BASP1: variants seen among roughly 807,000 people sequenced by gnomAD.
The protein encoded by BASP1 is brain abundant membrane attached signal protein 1, also known as brain acid soluble protein 1.
BASP1 carries 1 observed loss-of-function variant against 2.2 expected under a neutral mutation model. That is an observed-to-expected ratio of 0.46 (90% CI 0.16 to 2.17). BASP1 has a LOEUF of 2.17. BASP1 is among the 30% of genes most tolerant of loss of function. The pLI, the probability that BASP1 is intolerant of heterozygous loss-of-function variation, is 0.27. For synonymous variants in BASP1, 187 were observed against 154.2 expected (o/e 1.21, Z -1.58); for missense variants, 352 against 327.2 (o/e 1.08, Z -0.58).
chr5:17,218,647 C>T (rs1259144284), intron 1 of BASP1, among the ~76,000 whole-genome samples: 2 of 152,240 alleles, frequency 1.3e-5, no homozygotes, highest in Non-Finnish European at 2.9e-5. Context: ...GCGGCCCTAA[C>T]TGGGCTCAGC....
At chr5:17,232,416 G>A (rs1434007702) in intron 1 of BASP1, among the ~76,000 whole-genome samples, 1 of 152,216 alleles carries the variant, frequency 6.6e-6, no homozygotes, top group Non-Finnish European at 1.5e-5. Context: ...TTACACATTA[G>A]TCAATTATAA....
intron 1 of BASP1, among the ~76,000 whole-genome samples, chr5:17,249,336 G>C (rs768997926): frequency 8.5e-5 from 13 of 152,170 alleles, no homozygotes; most frequent in Non-Finnish European, 1.9e-4. Flanking sequence ...GGGGATGCCT[G>C]TAGCAGCAAG....
intron 1 of BASP1, among the ~76,000 whole-genome samples, chr5:17,245,367 C>T (rs887279049): frequency 2.0e-5 from 3 of 149,846 alleles, no homozygotes; most frequent in Non-Finnish European, 4.4e-5. Flanking sequence ...TAGTGGCTGT[C>T]AAATAATTCA....
At chr5:17,266,734 AC>A (rs1304093878) in intron 1 of BASP1, among the ~76,000 whole-genome samples, 3 of 150,066 alleles carry the variant, frequency 2.0e-5, no homozygotes, top group Non-Finnish European at 3.0e-5. Context: ...AATCACTTGA[AC>A]CGAGAGGCGC....
At chr5:17,243,111 A>C (rs1172559828) in intron 1 of BASP1, among the ~76,000 whole-genome samples, 1 of 152,064 alleles carries the variant, frequency 6.6e-6, no homozygotes, top group Non-Finnish European at 1.5e-5. Flanking sequence ...GCTAGGTGAC[A>C]AAAGGGCATC....
intron 1 of BASP1, among the ~76,000 whole-genome samples, chr5:17,267,415 T>C (rs1030503783): frequency 2.0e-5 from 3 of 152,224 alleles, no homozygotes; most frequent in Admixed American, 6.5e-5. Flanking sequence ...TTACACATTA[T>C]TCTGAGAAGA....
chr5:17,228,620 A>G (rs886198980), intron 1 of BASP1, among the ~76,000 whole-genome samples: 4 of 152,238 alleles, frequency 2.6e-5, no homozygotes, highest in African/African-American at 9.6e-5. Flanking sequence ...GTGACTAGCA[A>G]TGTATTCTTT....
chr5:17,222,753 C>T (rs776468570), intron 1 of BASP1, among the ~76,000 whole-genome samples: 63 of 152,256 alleles, frequency 4.1e-4, no homozygotes, highest in Non-Finnish European at 6.3e-4. Context: ...TTTCCATACT[C>T]AGTACATTTT....
chr5:17,252,457 T>C (rs1434696125), intron 1 of BASP1, among the ~76,000 whole-genome samples: 3 of 152,216 alleles, frequency 2.0e-5, no homozygotes, highest in Non-Finnish European at 4.4e-5. Flanking sequence ...TTACTTGCTG[T>C]GTGCCATGCA....
chr5:17,274,670 T>C (rs1322088028), intron 1 of BASP1, among the ~76,000 whole-genome samples: 1 of 152,184 alleles, frequency 6.6e-6, no homozygotes, highest in East Asian at 1.9e-4. Context: ...AATCACTGAT[T>C]CTTTGATCTC....
chr5:17,244,539 G>A (rs376231264), intron 1 of BASP1, among the ~76,000 whole-genome samples: 4 of 152,252 alleles, frequency 2.6e-5, no homozygotes, highest in South Asian at 4.1e-4. Flanking sequence ...GAGGGAGCTC[G>A]TGACAGAGGG....
chr5:17,273,290 A>G (rs1409726864), intron 1 of BASP1, among the ~76,000 whole-genome samples: 2 of 151,950 alleles, frequency 1.3e-5, no homozygotes, highest in Non-Finnish European at 2.9e-5. Context: ...ATTTAATTGT[A>G]TTTTTTGCCA....
At chr5:17,272,280 G>A (rs1262846388) in intron 1 of BASP1, among the ~76,000 whole-genome samples, 4 of 152,018 alleles carry the variant, frequency 2.6e-5, no homozygotes, top group East Asian at 3.9e-4. Context: ...TAACCCAGGC[G>A]CATAACATTC....
At chr5:17,256,616 G>T (rs1420638401) in intron 1 of BASP1, among the ~76,000 whole-genome samples, 1 of 152,194 alleles carries the variant, frequency 6.6e-6, no homozygotes, top group Admixed American at 6.5e-5. Flanking sequence ...GTTAACAGTG[G>T]CTTGTTTAAT....
At chr5:17,244,321 A>T (rs1579490019) in intron 1 of BASP1, among the ~76,000 whole-genome samples, 1 of 152,294 alleles carries the variant, frequency 6.6e-6, no homozygotes, top group East Asian at 1.9e-4. Context: ...TGTTTTGTGT[A>T]TTTAGGTAAC....
At chr5:17,233,670 C>T (rs1268606698) in intron 1 of BASP1, among the ~76,000 whole-genome samples, 4 of 152,018 alleles carry the variant, frequency 2.6e-5, no homozygotes, top group East Asian at 1.9e-4. Context: ...GACATGGTAT[C>T]GATGGTTGAG....
In BASP1 at chr5:17,251,950, A is replaced by T. The variant is rs1740109496; in HGVS notation, c.-9-23258A>T. Among the ~76,000 whole-genome samples the T allele has an allele frequency of 6.6e-6, 1 of 152,158 alleles. No homozygotes were observed. The highest frequency in any genetic ancestry group is 1.5e-5 in the Non-Finnish European group (1 of 68,032). On this transcript the variant is annotated intron_variant, in intron 1 of 1. Coordinates refer to ENST00000322611, the MANE Select transcript of BASP1 (RefSeq NM_006317.5). This position sits in a 1 kb window ranked among gnomAD's most constrained non-coding sequence, Gnocchi z 4.0. ...ATCTAGTGGGCGCTAGAGTGTAGAC[A>T]AAGAATCCTCAGTATCCCAGAGGGC... is the stretch of plus-strand genomic sequence containing the variant.
At chr5:17,272,870 A>AGGTT (rs1214481675) in intron 1 of BASP1, among the ~76,000 whole-genome samples, 2 of 152,238 alleles carry the variant, frequency 1.3e-5, no homozygotes, top group African/African-American at 4.8e-5. Flanking sequence ...CTCAGATTTT[A>AGGTT]GGTTTGTAAC....
chr5:17,258,504 C>T lies in BASP1; in HGVS notation c.-9-16704C>T, dbSNP rs138434855. On this transcript the variant is annotated intron_variant, in intron 1 of 1. Transcript: ENST00000322611. ...TATCTTGGGAAAGAGATAACACTCCCCCCACCTATATTTTTAACAAGCTTC... is the reference window on the plus strand; with the variant it reads ...TATCTTGGGAAAGAGATAACACTCCTCCCACCTATATTTTTAACAAGCTTC... Among the ~76,000 whole-genome samples, 451 of 152,264 alleles carry T rather than the reference C, an allele frequency of 3.0e-3. 2 individuals carry two copies. Among genetic ancestry groups the T allele is most frequent in the Admixed American group, 4.0e-3 (61 of 15,292 alleles).
Sources: allele counts gnomAD v4.1 joint callset (sites outside exome capture counted in the v4.1 genomes callset), GRCh38; gene constraint gnomAD v4.1.1; non-coding constraint Gnocchi (gnomAD v3.1); transcripts MANE v1.5; gene names NCBI Gene and HGNC (gene_info 2026-07-23, HGNC 2026-07-21).